The following POLA1 variants were observed in gnomAD, a reference collection of about 807,000 sequenced individuals.
The protein encoded by POLA1 is DNA polymerase alpha catalytic subunit.
A neutral mutation model predicts 124.0 loss-of-function variants in POLA1; 15 were observed. That is an observed-to-expected ratio of 0.12 (90% CI 0.08 to 0.19). POLA1 has a LOEUF of 0.19. Among genes scored for constraint, POLA1 ranks in the 10% least tolerant of loss-of-function variants. The probability of loss-of-function intolerance (pLI) is 1.00; values close to 1 mark genes in which losing one functional copy is unlikely to be tolerated. For missense variants in POLA1, 886 were observed against 1,103.4 expected, an observed-to-expected ratio of 0.80 and a Z score of 2.79; for synonymous variants, 408 against 389.4, an observed-to-expected ratio of 1.05 and a Z score of -0.56.
intron 26 of POLA1, among the ~76,000 whole-genome samples, chrX:24,777,701 C>CT (rs2045169316): frequency 8.9e-6 from 1 of 111,971 alleles, no homozygotes; most frequent in African/African-American, 3.2e-5. Flanking sequence ...TCATGGAATC[C>CT]TTAAGTGGTA....
rs1031501247 is a variant in POLA1 at position 24,996,887 on chromosome X, C to A, written c.*937C>A. Reference sequence around the variant, plus strand: ...TACTAACAAAATGTTTCCCCTTGTACAATTATGCTGTGTTTTTAAAAAACA... The same window carrying A: ...TACTAACAAAATGTTTCCCCTTGTAAAATTATGCTGTGTTTTTAAAAAACA... On this transcript the variant is annotated 3_prime_UTR_variant, in exon 37 of 37. Transcript: ENST00000379068. The A allele has an allele frequency of 3.6e-5, 4 of 111,882 alleles. No individual in the cohort carries two copies. Among genetic ancestry groups the A allele is most frequent in the African/African-American group, 1.3e-4 (4 of 30,675 alleles). 9.2% of individuals were successfully genotyped at this position (111,882 alleles called of 1,213,427 possible).
At chrX:24,732,174 C>T (rs1026034767) in intron 15 of POLA1, among the ~76,000 whole-genome samples, 196 bp from the exon 16 acceptor site, 3 of 111,396 alleles carry the variant, frequency 2.7e-5, no homozygotes, top group Non-Finnish European at 3.8e-5. Context: ...AGGCTCGTCT[C>T]GAACTCCTGA....
At chrX:24,813,968 C>G (rs1248505688) in intron 29 of POLA1, among the ~76,000 whole-genome samples, 2 of 111,742 alleles carry the variant, frequency 1.8e-5, no homozygotes, top group African/African-American at 3.3e-5. Flanking sequence ...AACTTGTTTT[C>G]TAGTCTTCCT....
At chrX:24,820,163 A>G (rs1313062799) in intron 30 of POLA1, among the ~76,000 whole-genome samples, 2 of 111,882 alleles carry the variant, frequency 1.8e-5, no homozygotes, top group African/African-American at 3.3e-5. Context: ...TTTTTTAACT[A>G]TGCATGGTGG....
chrX:24,748,269 G>A (rs771674856), intron 24 of POLA1, 42 bp from the exon 25 acceptor site: 22 of 1,068,593 alleles, frequency 2.1e-5, no homozygotes, highest in African/African-American at 1.3e-4. Context: ...AATTTATTTC[G>A]CAAAAGTTTG....
chrX:24,879,695 A>G (rs1279126325), intron 34 of POLA1, among the ~76,000 whole-genome samples: 1 of 111,881 alleles, frequency 8.9e-6, no homozygotes, highest in Non-Finnish European at 1.9e-5. Context: ...GAGTTGGATG[A>G]ATAGGGAGAG....
At chrX:24,721,617 T>A (rs772533960) in intron 10 of POLA1, among the ~76,000 whole-genome samples, 1 of 112,218 alleles carries the variant, frequency 8.9e-6, no homozygotes, top group East Asian at 2.8e-4. Flanking sequence ...GAAAAGAATC[T>A]TACTCTTTGC....
intron 35 of POLA1, among the ~76,000 whole-genome samples, chrX:24,892,774 G>GTA (rs1199297692): frequency 1.8e-4 from 20 of 112,152 alleles, no homozygotes; most frequent in Non-Finnish European, 3.6e-4. Flanking sequence ...TGTCGAAACT[G>GTA]TATAGTCCCT....
intron 26 of POLA1, among the ~76,000 whole-genome samples, chrX:24,763,801 T>C (rs1932842009): frequency 8.9e-6 from 1 of 112,075 alleles, no homozygotes; most frequent in Non-Finnish European, 1.9e-5. Context: ...TCTTTTACTT[T>C]AGTTGGTGCT....
intron 26 of POLA1, among the ~76,000 whole-genome samples, chrX:24,796,214 C>G (rs937383271): frequency 9.0e-6 from 1 of 111,287 alleles, no homozygotes; most frequent in Non-Finnish European, 1.9e-5. Context: ...AGGAGGGGAG[C>G]TATTGCAAAG....
At chrX:24,878,623 G>A (rs2046964614) in intron 34 of POLA1, among the ~76,000 whole-genome samples, 1 of 110,019 alleles carries the variant, frequency 9.1e-6, no homozygotes, top group Admixed American at 9.7e-5. Context: ...TTAGTGAATG[G>A]CTTAATTTAA....
intron 26 of POLA1, among the ~76,000 whole-genome samples, chrX:24,789,253 CCTA>C (rs2045444874): frequency 1.8e-5 from 2 of 111,210 alleles, no homozygotes; most frequent in South Asian, 7.5e-4. Context: ...TATAGAAAAC[CCTA>C]ACCCTAAGGA....
chrX:24,871,387 T>G (rs2046861583), intron 34 of POLA1, among the ~76,000 whole-genome samples: 2 of 111,375 alleles, frequency 1.8e-5, no homozygotes, highest in African/African-American at 6.5e-5. Flanking sequence ...AGGCCCACAT[T>G]TTGAGAGCCA....
At chrX:24,709,168 A>AC (rs1929087290) in intron 4 of POLA1, among the ~76,000 whole-genome samples, 1 of 79,053 alleles carries the variant, frequency 1.3e-5, no homozygotes, top group Non-Finnish European at 2.5e-5. Flanking sequence ...CACCTCCCGG[A>AC]CGGGGCGGCT....
intron 35 of POLA1, among the ~76,000 whole-genome samples, chrX:24,926,388 T>A (rs1388190241): frequency 9.0e-6 from 1 of 111,414 alleles, no homozygotes; most frequent in Non-Finnish European, 1.9e-5. Flanking sequence ...TGCGTACTGA[T>A]CACAGAGATG....
chrX:24,742,362 G>A (rs1931723906), intron 22 of POLA1, among the ~76,000 whole-genome samples: 1 of 112,014 alleles, frequency 8.9e-6, no homozygotes, highest in East Asian at 2.8e-4. Flanking sequence ...ATTCTTTGAG[G>A]GAAGCATTAG....
At chrX:24,964,615 G>A (rs762941773) in intron 36 of POLA1, among the ~76,000 whole-genome samples, 6 of 112,527 alleles carry the variant, frequency 5.3e-5, no homozygotes, top group African/African-American at 9.7e-5. Context: ...TAAATACTGC[G>A]TATTTTGAAA....
chrX:24,753,037 A>T (rs890739803), intron 26 of POLA1, among the ~76,000 whole-genome samples: 2 of 109,344 alleles, frequency 1.8e-5, no homozygotes, highest in African/African-American at 6.7e-5. Flanking sequence ...TTTGAGATGG[A>T]ATCTCTCTCT....
intron 1 of POLA1, among the ~76,000 whole-genome samples, chrX:24,698,614 A>C (rs946228573): frequency 9.0e-6 from 1 of 111,583 alleles, no homozygotes; most frequent in Non-Finnish European, 1.9e-5. Flanking sequence ...TACAGAGACC[A>C]TGTCTTTTTT....
Sources: gnomAD v4.1 joint callset for allele counts (sites outside exome capture counted in the v4.1 genomes callset) on GRCh38, gnomAD v4.1.1 for gene constraint, MANE v1.5 for transcripts, NCBI Gene and HGNC (gene_info 2026-07-23, HGNC 2026-07-21) for gene names.